AQP2: variants seen among roughly 807,000 people sequenced by gnomAD.
AQP2 encodes aquaporin 2.
A neutral mutation model predicts 21.6 loss-of-function variants in AQP2; 20 were observed. The ratio of observed to expected loss-of-function variants is 0.92; its 90% CI spans 0.65 to 1.34. The LOEUF is 1.34. Among genes scored for constraint, AQP2 ranks in the 40% most tolerant of loss-of-function variants. The pLI is 0.00. For missense variants in AQP2, 325 were observed against 363.4 expected, an observed-to-expected ratio of 0.89 and a Z score of 0.86; for synonymous variants, 168 against 166.9, an observed-to-expected ratio of 1.01 and a Z score of -0.05.
chr12:49,956,702 C>G lies in AQP2; in HGVS notation c.*1094C>G, dbSNP rs542433413. The G allele has an allele frequency of 6.6e-6, 1 of 152,376 alleles. No individual in the cohort carries two copies. The highest frequency in any genetic ancestry group is 6.5e-5 in the Admixed American group (1 of 15,306). The allele number at this position is 152,376 out of a possible 1,614,324, so 9.4% of individuals were successfully genotyped here. A position where few individuals can be genotyped will look rare whatever the true frequency, so the allele number is the denominator to read the frequency against. On this transcript the variant is annotated 3_prime_UTR_variant, in exon 4 of 4. Transcript: ENST00000199280. ...CCTCTTGCCCAGCACACACCTATGG[C>G]TGGCTGGGCAAGGCGCTCAGGCATG...
intron 1 of AQP2, among the ~76,000 whole-genome samples, chr12:49,952,511 T>C (rs915384147): frequency 2.0e-5 from 3 of 152,042 alleles, no homozygotes. Flanking sequence ...GAGAACAAAA[T>C]TAGTTCAGTT....
chr12:49,953,910 T>C (rs941469070), intron 1 of AQP2, among the ~76,000 whole-genome samples: 2 of 152,076 alleles, frequency 1.3e-5, no homozygotes, highest in African/African-American at 4.8e-5. Flanking sequence ...TCTAATGGGC[T>C]ACAGAGTCAG....
intron 3 of AQP2, 91 bp downstream of exon 3, chr12:49,954,801 C>A: frequency 1.4e-6 from 2 of 1,424,466 alleles, no homozygotes; most frequent in Non-Finnish European, 9.9e-7. Context: ...GGGGGCTCAG[C>A]AGCGGTACCC....
chr12:49,956,263 G>C lies in AQP2; in HGVS notation c.*655G>C, dbSNP rs1947369823. ...TTGAGAGGGCTGAAGGGAGGGCCTT[G>C]ATTTCCAGCCGCAATCTGGCTCCTC... is the stretch of plus-strand genomic sequence containing the variant. On this transcript the variant is annotated 3_prime_UTR_variant, in exon 4 of 4. Transcript: ENST00000199280. 6.6e-6 allele frequency: 1 copy of C among 152,630 alleles called. No individual in the cohort carries two copies. The highest frequency in any genetic ancestry group is 1.5e-5 in the Non-Finnish European group (1 of 68,378). 9.5% of individuals were successfully genotyped at this position (152,630 alleles called of 1,614,324 possible).
At chr12:49,953,318 C>T (rs1947342702) in intron 1 of AQP2, among the ~76,000 whole-genome samples, 1 of 152,202 alleles carries the variant, frequency 6.6e-6, no homozygotes, top group South Asian at 2.1e-4. Flanking sequence ...CCACCCAGTG[C>T]AGTGCCCAGC....
intron 1 of AQP2, 113 bp from the exon 2 acceptor site, chr12:49,954,042 C>A: frequency 6.9e-7 from 1 of 1,455,658 alleles, no homozygotes; most frequent in South Asian, 1.1e-5. Flanking sequence ...CCCAGGTGTT[C>A]CGGCTCCCAG....
chr12:49,952,741 G>A (rs777759926), intron 1 of AQP2, among the ~76,000 whole-genome samples: 11 of 152,188 alleles, frequency 7.2e-5, no homozygotes, highest in Non-Finnish European at 1.6e-4. Flanking sequence ...AGGACCTGGG[G>A]AGAACCCTGC....
intron 1 of AQP2, among the ~76,000 whole-genome samples, chr12:49,953,130 A>G (rs1246994927): frequency 6.6e-6 from 1 of 152,216 alleles, no homozygotes; most frequent in Admixed American, 6.5e-5. Flanking sequence ...GAGGCCTCCA[A>G]AGTGTCTGCT....
chr12:49,955,732 G>T lies in AQP2; in HGVS notation c.*124G>T. ...CCCCAGCGCAGAGTAGCTGCTTCCTGGACGTGCGCGCCCAGGCCAGTGCTG... is the reference window on the plus strand; with the variant it reads ...CCCCAGCGCAGAGTAGCTGCTTCCTTGACGTGCGCGCCCAGGCCAGTGCTG... On this transcript the variant is annotated 3_prime_UTR_variant, in exon 4 of 4. Coordinates refer to ENST00000199280, the MANE Select transcript of AQP2 (RefSeq NM_000486.6). 1 of 1,262,516 alleles carries T rather than the reference G, an allele frequency of 7.9e-7. No individual in the cohort carries two copies. Among genetic ancestry groups the T allele is most frequent in the East Asian group, 2.5e-5 (1 of 39,502 alleles). 78.2% of individuals were successfully genotyped at this position (1,262,516 alleles called of 1,614,324 possible). A position where few individuals can be genotyped will look rare whatever the true frequency, so the allele number is the denominator to read the frequency against.
rs1947374239 is a variant in AQP2, at chr12:49,956,850, T to TC, written c.*1246dup. 6.6e-6 allele frequency: 1 copy of TC among 152,532 alleles called. No homozygotes were observed. Among genetic ancestry groups the TC allele is most frequent in the South Asian group, 2.1e-4 (1 of 4,832 alleles). The allele number at this position is 152,532 out of a possible 1,614,324, so 9.4% of individuals were successfully genotyped here. ...CTGTCTGCCTCTCCACAGCCCGTGA[T>TC]CCCCTGCTTCTGGCTCCTACCACTG... On this transcript the variant is annotated 3_prime_UTR_variant, in exon 4 of 4. Coordinates refer to ENST00000199280, the MANE Select transcript of AQP2 (RefSeq NM_000486.6).
In AQP2 at chr12:49,955,992, G is replaced by A. The variant is rs996286213; in HGVS notation, c.*384G>A. 3 of 408,388 alleles carry A rather than the reference G, an allele frequency of 7.3e-6. No homozygotes were observed. The highest frequency in any genetic ancestry group is 2.5e-5 in the South Asian group (1 of 39,774). The allele number at this position is 408,388 out of a possible 1,614,324, so 25.3% of individuals were successfully genotyped here. A position where few individuals can be genotyped will look rare whatever the true frequency, so the allele number is the denominator to read the frequency against. Reference sequence around the variant, plus strand: ...CTGCCTTGGGGGTTCCGGGAATGATGCAACTGGTTTTACTAGTGTGCAAGT... The same window carrying A: ...CTGCCTTGGGGGTTCCGGGAATGATACAACTGGTTTTACTAGTGTGCAAGT... On this transcript the variant is annotated 3_prime_UTR_variant, in exon 4 of 4. Coordinates refer to ENST00000199280, the MANE Select transcript of AQP2 (RefSeq NM_000486.6).
rs1947368131 is a variant in AQP2, at chr12:49,956,084, G to A, written c.*476G>A. On this transcript the variant is annotated 3_prime_UTR_variant, in exon 4 of 4. Transcript: ENST00000199280. ...TGTGCATGCCCCTGAGTGTGAACAG[G>A]TTTGCCTACGTTGGTGCAAGTGTGC... is the stretch of plus-strand genomic sequence containing the variant. 4 of 219,364 alleles carry A rather than the reference G, an allele frequency of 1.8e-5. No homozygotes were observed. The South Asian group carries it at 2.0e-4, about 11-fold the overall frequency. 13.6% of individuals were successfully genotyped at this position (219,364 alleles called of 1,614,324 possible).
rs766405618 is a variant in AQP2, at chr12:49,951,067, C to T, written c.237C>T (p.Cys79=). Residue 79 remains cysteine (C), a synonymous_variant, in exon 1 of 4, where the codon TGC becomes TGT. Coordinates refer to ENST00000199280, the MANE Select transcript of AQP2 (RefSeq NM_000486.6). The part of the protein sequence containing the change: ...PAVTVACLVG[C]HVSVLRAAFY... ...TGACTGTGGCCTGCCTGGTGGGCTG[C>T]CACGTCTCCGTTCTCCGAGCCGCCT... is the stretch of plus-strand genomic sequence containing the variant. The T allele has an allele frequency of 2.5e-6, 4 of 1,612,362 alleles. No individual in the cohort carries two copies. Among genetic ancestry groups the T allele is most frequent in the East Asian group, 4.5e-5 (2 of 44,844 alleles).
intron 2 of AQP2, 28 bp downstream of exon 2, chr12:49,954,347 C>G (rs781101158): frequency 1.0e-5 from 16 of 1,598,508 alleles, no homozygotes; most frequent in Non-Finnish European, 1.3e-5. Context: ...GTTCCAGCCT[C>G]CCTGGAGGAA....
In AQP2 at chr12:49,954,261, A is replaced by G; in HGVS notation, c.467A>G (p.Asn156Ser). ...TCCACCGATGAGCGCCGCGGAGAGA[A>G]CCCGGGCACCCCTGCTCTCTCCATA... ...FASTDERRGE[N>S]PGTPALSIGF... Residue 156 changes from asparagine to serine, a missense_variant, in exon 2 of 4, where the codon AAC becomes AGC. Asn to Ser is a conservative substitution (Grantham distance 46). Transcript: ENST00000199280. 4 of 1,607,928 alleles carry G rather than the reference A, an allele frequency of 2.5e-6. No individual in the cohort carries two copies. Among genetic ancestry groups the G allele is most frequent in the Non-Finnish European group, 3.4e-6 (4 of 1,179,952 alleles).
rs1253654833 is a variant in AQP2 at position 49,956,640 on chromosome 12, A to G, written c.*1032A>G. 3.9e-5 allele frequency: 6 copies of G among 152,212 alleles called. No individual in the cohort carries two copies. Among genetic ancestry groups the G allele is most frequent in the African/African-American group, 1.4e-4 (6 of 41,518 alleles). 9.4% of individuals were successfully genotyped at this position (152,212 alleles called of 1,614,324 possible). ...GGTGAGGGGAGATTTGCACCTAGAC[A>G]CTTCTTGAAAGGAGACACTCAGTTT... On this transcript the variant is annotated 3_prime_UTR_variant, in exon 4 of 4. Transcript: ENST00000199280.
Position 49,955,630 on chromosome 12 carries a change from GC to G in AQP2, c.*26del. On this transcript the variant is annotated 3_prime_UTR_variant, in exon 4 of 4. Coordinates refer to ENST00000199280, the MANE Select transcript of AQP2 (RefSeq NM_000486.6). ...CTGAGGGCCGCCAGCGGCCTCTACG[GC>G]CCCGACGGACGCTTGTGAGGCCCGA... is the stretch of plus-strand genomic sequence containing the variant. 1 of 1,538,210 alleles carries G rather than the reference GC, an allele frequency of 6.5e-7. No individual in the cohort carries two copies. The highest frequency in any genetic ancestry group is 8.7e-7 in the Non-Finnish European group (1 of 1,148,300).
chr12:49,952,762 T>A (rs1410807656), intron 1 of AQP2, among the ~76,000 whole-genome samples: 1 of 152,146 alleles, frequency 6.6e-6, no homozygotes, highest in Non-Finnish European at 1.5e-5. Context: ...CTGGATGGAA[T>A]GGGGCAGTGG....
In AQP2 at chr12:49,951,125, G is replaced by A. The variant is rs1039778194; in HGVS notation, c.295G>A (p.Ala99Thr). The A allele has an allele frequency of 6.2e-7, 1 of 1,606,738 alleles. No individual in the cohort carries two copies. Among genetic ancestry groups the A allele is most frequent in the Non-Finnish European group, 8.5e-7 (1 of 1,174,928 alleles). The stretch of plus-strand genomic sequence containing the variant: ...GGCTGCCCAGCTGCTGGGGGCTGTG[G>A]CCGGAGCCGCTCTGCTCCATGAGAT... ...YVAAQLLGAV[A>T]GAALLHEITP... The change falls in exon 1 of 4, where the codon GCC becomes ACC. Residue 99 changes from alanine to threonine, a missense_variant. Ala to Thr is a moderately conservative substitution (Grantham distance 58). Coordinates refer to ENST00000199280, the MANE Select transcript of AQP2 (RefSeq NM_000486.6).
Sources: allele counts gnomAD v4.1 joint callset (sites outside exome capture counted in the v4.1 genomes callset), GRCh38; gene constraint gnomAD v4.1.1; transcripts MANE v1.5; gene names NCBI Gene and HGNC (gene_info 2026-07-23, HGNC 2026-07-21).